The following PLD5 variants were observed in gnomAD, a reference collection of about 807,000 sequenced individuals.
PLD5 encodes phospholipase D family member 5.
In PLD5, 36 loss-of-function variants were observed where a neutral mutation model predicts 61.1. The ratio of observed to expected loss-of-function variants is 0.59; its 90% confidence interval spans 0.45 to 0.78. PLD5 has a LOEUF of 0.78. Among genes scored for constraint, PLD5 ranks in the 30% least tolerant of loss-of-function variants. The probability of loss-of-function intolerance (pLI) is 0.00; values close to 1 mark genes in which losing one functional copy is unlikely to be tolerated. For synonymous variants in PLD5, 243 were observed against 242.8 expected, an observed-to-expected ratio of 1.00 and a Z score of -0.01; for missense variants, 515 against 644.4, an observed-to-expected ratio of 0.80 and a Z score of 2.17.
chr1:242,297,483 C>A (rs1354969391), intron 2 of PLD5, among the ~76,000 whole-genome samples: 1 of 149,568 alleles, frequency 6.7e-6, no homozygotes, highest in Non-Finnish European at 1.5e-5. Context: ...TGGCTCACTG[C>A]AGCCTTGAAC....
intron 1 of PLD5, among the ~76,000 whole-genome samples, chr1:242,380,702 A>G (rs1225951487): frequency 1.3e-5 from 2 of 152,192 alleles, no homozygotes; most frequent in Middle Eastern, 3.4e-3. Context: ...TTTGCAAGAA[A>G]GAAGAGAAAA....
chr1:242,398,750 T>C (rs1663749516), intron 1 of PLD5, among the ~76,000 whole-genome samples: 1 of 152,218 alleles, frequency 6.6e-6, no homozygotes, highest in Non-Finnish European at 1.5e-5. Flanking sequence ...GAAGAAAATA[T>C]GCAAAAGCCT....
At chr1:242,516,542 T>C (rs991720643) in intron 1 of PLD5, among the ~76,000 whole-genome samples, 1 of 152,186 alleles carries the variant, frequency 6.6e-6, no homozygotes, top group African/African-American at 2.4e-5. Flanking sequence ...CGTATTTTAA[T>C]GTGGATATGC....
chr1:242,191,678 A>G (rs1668297023), intron 5 of PLD5, among the ~76,000 whole-genome samples: 1 of 152,128 alleles, frequency 6.6e-6, no homozygotes, highest in Non-Finnish European at 1.5e-5. Context: ...GAAGTGAGAA[A>G]AGGTGGAAGG....
At chr1:242,466,610 C>T (rs1225243108) in intron 1 of PLD5, among the ~76,000 whole-genome samples, 3 of 152,036 alleles carry the variant, frequency 2.0e-5, no homozygotes, top group Admixed American at 6.6e-5. Context: ...AAGTGGAGCT[C>T]GGCTGGGCGC....
At chr1:242,444,910 C>T (rs1341127324) in intron 1 of PLD5, among the ~76,000 whole-genome samples, 2 of 151,604 alleles carry the variant, frequency 1.3e-5, no homozygotes, top group Admixed American at 6.6e-5. Context: ...ACTCAAAGTC[C>T]AATAGATAAC....
intron 1 of PLD5, among the ~76,000 whole-genome samples, chr1:242,434,478 G>A (rs2102894897): frequency 6.6e-6 from 1 of 152,296 alleles, no homozygotes; most frequent in Non-Finnish European, 1.5e-5. Flanking sequence ...ATAGATACAG[G>A]AGTCAGGAAG....
intron 1 of PLD5, among the ~76,000 whole-genome samples, chr1:242,500,869 T>C (rs1668532265): frequency 6.6e-6 from 1 of 152,128 alleles, no homozygotes; most frequent in Non-Finnish European, 1.5e-5. Flanking sequence ...AATAACTAAA[T>C]GTCGGGGCTT....
intron 1 of PLD5, among the ~76,000 whole-genome samples, chr1:242,482,974 G>A (rs1313703957): frequency 6.6e-6 from 1 of 151,936 alleles, no homozygotes; most frequent in African/African-American, 2.4e-5. Context: ...CATAAGTGAA[G>A]GAGAAATAAA....
At position 242,084,779 on chromosome 1, in the gene PLD5, A is replaced by G. The variant is rs917881598; in HGVS notation, c.*5075T>C. ...TTTTTTTTTTTTTTTTTTTTTTTTT[A>G]GAGAAAGAGATAGGTATAGTGTTTC... On this transcript the variant is annotated 3_prime_UTR_variant, in exon 10 of 10. Coordinates refer to ENST00000536534, the MANE Select transcript of PLD5 (RefSeq NM_001372062.1). 5.0e-5 allele frequency: 3 copies of G among 60,162 alleles called. No homozygotes were observed. The East Asian group carries it at 2.1e-3, about 43-fold the overall frequency. 3.7% of individuals were successfully genotyped at this position (60,162 alleles called of 1,614,324 possible).
intron 2 of PLD5, among the ~76,000 whole-genome samples, chr1:242,336,521 T>A (rs1488616461): frequency 6.6e-6 from 1 of 152,280 alleles, no homozygotes; most frequent in Non-Finnish European, 1.5e-5. Context: ...TGGAAAAAAA[T>A]CGTTCATGGT....
chr1:242,099,289 A>T (rs905683501), intron 9 of PLD5, among the ~76,000 whole-genome samples: 2 of 151,472 alleles, frequency 1.3e-5, no homozygotes, highest in African/African-American at 2.4e-5. Flanking sequence ...TGTCCAGCAA[A>T]TTTTTTTGGT....
intron 1 of PLD5, among the ~76,000 whole-genome samples, chr1:242,403,120 G>A (rs963319): frequency 0.11 from 17,414 of 152,180 alleles, 1,277 homozygotes; most frequent in African/African-American, 0.2. Flanking sequence ...CATCCCTTTC[G>A]GTGAGGCGGT....
chr1:242,112,315 G>GTATA (rs1558232868), intron 7 of PLD5, among the ~76,000 whole-genome samples: 2,110 of 109,146 alleles, frequency 0.019, 70 homozygotes, highest in African/African-American at 0.087. Flanking sequence ...GTGTGTGTGT[G>GTATA]TGTGTGTGTA....
At position 242,088,236 on chromosome 1, in the gene PLD5, T is replaced by C. The variant is rs549125067; in HGVS notation, c.*1618A>G. 6.6e-6 allele frequency: 1 copy of C among 152,166 alleles called. No homozygotes were observed. The highest frequency in any genetic ancestry group is 1.5e-5 in the Non-Finnish European group (1 of 68,030). The allele number at this position is 152,166 out of a possible 1,614,324, so 9.4% of individuals were successfully genotyped here. A position where few individuals can be genotyped will look rare whatever the true frequency, so the allele number is the denominator to read the frequency against. On this transcript the variant is annotated 3_prime_UTR_variant, in exon 10 of 10. Coordinates refer to ENST00000536534, the MANE Select transcript of PLD5 (RefSeq NM_001372062.1). ...TCTAGTTTTGTGTTGATGTTATTCA[T>C]GCCAAAGCAGCCCAACGCAATGTTC...
chr1:242,456,610 A>G (rs1335229561), intron 1 of PLD5, among the ~76,000 whole-genome samples: 3 of 152,226 alleles, frequency 2.0e-5, no homozygotes, highest in Non-Finnish European at 4.4e-5. Flanking sequence ...TAGGCATTAT[A>G]AAAGGTATCA....
intron 5 of PLD5, among the ~76,000 whole-genome samples, chr1:242,178,134 C>T (rs553115977): frequency 2.6e-5 from 4 of 152,218 alleles, no homozygotes; most frequent in Non-Finnish European, 4.4e-5. Flanking sequence ...TAAAGCTTAT[C>T]CAGCATCTAG....
intron 1 of PLD5, among the ~76,000 whole-genome samples, chr1:242,409,949 G>C (rs1229605048): frequency 6.6e-6 from 1 of 152,314 alleles, no homozygotes; most frequent in Admixed American, 6.5e-5. Flanking sequence ...CGGCCGGCTA[G>C]AGCTGGGGCT....
At chr1:242,382,546 C>T (rs1188604071) in intron 1 of PLD5, among the ~76,000 whole-genome samples, 1 of 152,086 alleles carries the variant, frequency 6.6e-6, no homozygotes, top group Non-Finnish European at 1.5e-5. Flanking sequence ...AGTTGCTAAG[C>T]TGTCAAATCA....
Sources: gnomAD v4.1 joint callset for allele counts (sites outside exome capture counted in the v4.1 genomes callset) on GRCh38, gnomAD v4.1.1 for gene constraint, MANE v1.5 for transcripts, NCBI Gene and HGNC (gene_info 2026-07-23, HGNC 2026-07-21) for gene names.